Variants in EPS15 observed in about 807,000 individuals in gnomAD.
EPS15 encodes the protein epidermal growth factor receptor substrate 15.
Under a neutral mutation model 113.8 loss-of-function variants are expected in EPS15, and 72 were observed. That is an observed-to-expected ratio of 0.63 (90% CI 0.52 to 0.77). The LOEUF is 0.77. Ranked by LOEUF, EPS15 falls within the 30% of genes least tolerant of loss-of-function variation. The pLI is 0.00. For missense variants in EPS15, 1,048 were observed against 1,045.8 expected (o/e 1.00, Z -0.03); for synonymous variants, 344 against 363.4 (o/e 0.95, Z 0.61).
intron 8 of EPS15, among the ~76,000 whole-genome samples, chr1:51,451,517 GAAAGAA>G (rs1359573372): frequency 1.4e-4 from 19 of 139,534 alleles, no homozygotes; most frequent in Non-Finnish European, 1.7e-4. Flanking sequence ...AAGAAAGAAA[GAAAGAA>G]AAGAAAAAAA....
chr1:51,394,425 T>A lies in EPS15; in HGVS notation c.2075A>T (p.Asp692Val). 1 of 1,603,400 alleles carries A rather than the reference T, an allele frequency of 6.2e-7. No individual in the cohort carries two copies. Among genetic ancestry groups the A allele is most frequent in the Non-Finnish European group, 8.5e-7 (1 of 1,172,838 alleles). ...ITSVETLKHN[D>V]PFAPGGTVVA... ...AACTGTTCCACCAGGAGCAAAAGGA[T>A]CATTGTGCTTCAACGTTTCTACCTA... The change falls in exon 21 of 25, where the codon GAT (aspartate) becomes GTT (valine). Residue 692 changes from aspartate (D) to valine (V), a missense_variant. Coordinates refer to ENST00000371733, the MANE Select transcript of EPS15 (RefSeq NM_001981.3).
intron 13 of EPS15, among the ~76,000 whole-genome samples, chr1:51,412,102 CA>C (rs1649775482): frequency 6.6e-6 from 1 of 152,184 alleles, no homozygotes; most frequent in African/African-American, 2.4e-5. Context: ...CAAACTACCA[CA>C]GGAACAGAAA....
Position 51,494,720 on chromosome 1 carries a change from G to C in EPS15, c.34-13406C>G, listed in dbSNP as rs192681142. 4.6e-5 allele frequency among the ~76,000 whole-genome samples: 7 copies of C among 152,310 alleles called. No homozygotes were observed. The East Asian group carries it at 1.3e-3, about 29-fold the overall frequency. On this transcript the variant is annotated intron_variant, in intron 1 of 24. Coordinates refer to ENST00000371733, the MANE Select transcript of EPS15 (RefSeq NM_001981.3). ...GTTCCAGGCCTCTCTCCTACTCTTG[G>C]TAGTTCTTTGGCTTGTGGCAGCCTA...
At chr1:51,487,680 C>T (rs959447356) in intron 1 of EPS15, among the ~76,000 whole-genome samples, 4 of 152,156 alleles carry the variant, frequency 2.6e-5, no homozygotes, top group African/African-American at 7.2e-5. Flanking sequence ...TGATCTCCAA[C>T]CTGTGCCTTA....
At chr1:51,420,161 T>G (rs1650615837) in intron 13 of EPS15, among the ~76,000 whole-genome samples, 1 of 152,134 alleles carries the variant, frequency 6.6e-6, no homozygotes, top group African/African-American at 2.4e-5. Flanking sequence ...AGCTTAAGGT[T>G]AGACATACAC....
chr1:51,402,953 A>G (rs1648721993), intron 17 of EPS15, among the ~76,000 whole-genome samples: 1 of 152,214 alleles, frequency 6.6e-6, no homozygotes, highest in Non-Finnish European at 1.5e-5. Flanking sequence ...ATATCTCTCT[A>G]GTCATAAAGC....
intron 5 of EPS15, among the ~76,000 whole-genome samples, 183 bp downstream of exon 5, chr1:51,468,290 C>T (rs571782136): frequency 6.6e-6 from 1 of 152,136 alleles, no homozygotes; most frequent in East Asian, 1.9e-4. Context: ...TATATAATCA[C>T]TCTGGAAGGA....
At chr1:51,423,186 G>T in intron 12 of EPS15, 1 of 1,287,084 alleles carries the variant, frequency 7.8e-7, no homozygotes, top group Non-Finnish European at 1.0e-6. Context: ...AAACATTTGA[G>T]ATGGCCAAGG....
At chr1:51,465,394 GT>G in intron 5 of EPS15, 68 bp from the exon 6 acceptor site, 5 of 1,127,692 alleles carry the variant, frequency 4.4e-6, no homozygotes, top group African/African-American at 3.1e-5. Context: ...AGAAAAAATG[GT>G]TTTTGGATTT....
chr1:51,362,177 T>C (rs547248335), intron 23 of EPS15, among the ~76,000 whole-genome samples: 5 of 152,314 alleles, frequency 3.3e-5, no homozygotes, highest in African/African-American at 1.2e-4. Flanking sequence ...ACAGATTCCA[T>C]CACTGTAGCT....
chr1:51,482,450 C>G (rs1444978225), intron 1 of EPS15, among the ~76,000 whole-genome samples: 1 of 152,014 alleles, frequency 6.6e-6, no homozygotes, highest in East Asian at 1.9e-4. Flanking sequence ...TTGTAGAAGA[C>G]AACTTATGAA....
chr1:51,474,547 T>C (rs918673271), intron 2 of EPS15, among the ~76,000 whole-genome samples: 1 of 152,216 alleles, frequency 6.6e-6, no homozygotes, highest in Non-Finnish European at 1.5e-5. Flanking sequence ...AATTTAATTA[T>C]AGTTATTTAC....
At chr1:51,397,890 T>C (rs1198747964) in intron 20 of EPS15, among the ~76,000 whole-genome samples, 1 of 152,210 alleles carries the variant, frequency 6.6e-6, no homozygotes, top group Non-Finnish European at 1.5e-5. Context: ...CATGAAACTG[T>C]GGTCTCAAAA....
At chr1:51,497,975 CAAA>C (rs371365509) in intron 1 of EPS15, among the ~76,000 whole-genome samples, 4 of 71,640 alleles carry the variant, frequency 5.6e-5, no homozygotes, top group African/African-American at 5.5e-5. Context: ...GACCCCGTCT[CAAA>C]AAAAAAAAAA....
chr1:51,427,887 C>G (rs1651362139), intron 12 of EPS15, among the ~76,000 whole-genome samples: 1 of 152,078 alleles, frequency 6.6e-6, no homozygotes, highest in South Asian at 2.1e-4. Context: ...ATCTAAAAAG[C>G]TCAATGAACT....
intron 11 of EPS15, among the ~76,000 whole-genome samples, chr1:51,440,881 TTGA>T (rs1652545482): frequency 6.6e-6 from 1 of 152,118 alleles, no homozygotes; most frequent in Non-Finnish European, 1.5e-5. Context: ...ACAGTAGTGG[TTGA>T]TTTTATTTAA....
chr1:51,383,075 A>G (rs1646977717), intron 21 of EPS15, among the ~76,000 whole-genome samples: 1 of 152,254 alleles, frequency 6.6e-6, no homozygotes. Context: ...GGTTCAACAT[A>G]CAAAAATCAT....
chr1:51,357,071 A>C (rs1646233856), intron 24 of EPS15, among the ~76,000 whole-genome samples: 1 of 152,026 alleles, frequency 6.6e-6, no homozygotes. Flanking sequence ...GAAAGTCTAT[A>C]AAACTAAATG....
intron 12 of EPS15, among the ~76,000 whole-genome samples, chr1:51,429,590 G>T (rs531593300): frequency 1.3e-5 from 2 of 150,618 alleles, no homozygotes; most frequent in East Asian, 3.9e-4. Flanking sequence ...ATCAGAAAAA[G>T]ATTATAAAGA....
Sources: gnomAD v4.1 joint callset for allele counts (sites outside exome capture counted in the v4.1 genomes callset) on GRCh38, gnomAD v4.1.1 for gene constraint, MANE v1.5 for transcripts, NCBI Gene and HGNC (gene_info 2026-07-23, HGNC 2026-07-21) for gene names.